The following PRKAG2 variants were observed in gnomAD, a reference collection of about 807,000 sequenced individuals.
The protein encoded by PRKAG2 is protein kinase AMP-activated non-catalytic subunit gamma 2, also known as 5'-AMP-activated protein kinase subunit gamma-2.
A neutral mutation model predicts 69.6 loss-of-function variants in PRKAG2; 26 were observed. The observed-to-expected ratio is 0.37, with a 90% CI of 0.27 to 0.52. The LOEUF is 0.52. Among genes scored for constraint, PRKAG2 ranks in the 20% least tolerant of loss-of-function variants. The pLI, the probability that PRKAG2 is intolerant of heterozygous loss-of-function variation, is 0.90. For synonymous variants in PRKAG2, 293 were observed against 285.0 expected (o/e 1.03, Z -0.28); for missense variants, 557 against 740.0 (o/e 0.75, Z 2.87).
At chr7:151,610,915 C>G (rs7807386) in intron 5 of PRKAG2, among the ~76,000 whole-genome samples, 23,024 of 151,214 alleles carry the variant, frequency 0.15, 1,917 homozygotes, top group East Asian at 0.26. Context: ...CCATGCCTAA[C>G]TAATTTTTGT....
intron 1 of PRKAG2, among the ~76,000 whole-genome samples, chr7:151,871,264 C>T (rs960196294): frequency 6.6e-6 from 1 of 152,230 alleles, no homozygotes; most frequent in East Asian, 1.9e-4. Flanking sequence ...CGCACAGCTA[C>T]GCTTCCAGTG....
chr7:151,749,979 CCCAGCTA>C (rs1207147120), intron 3 of PRKAG2, among the ~76,000 whole-genome samples: 1 of 151,680 alleles, frequency 6.6e-6, no homozygotes, highest in African/African-American at 2.4e-5. Flanking sequence ...TGCTCATAGC[CCCAGCTA>C]CTCGGGAGGC....
intron 3 of PRKAG2, among the ~76,000 whole-genome samples, chr7:151,709,685 GACAC>G (rs1036686539): frequency 2.6e-5 from 4 of 152,290 alleles, no homozygotes; most frequent in South Asian, 2.1e-4. Flanking sequence ...GACATTGTGT[GACAC>G]ACACATAACA....
intron 3 of PRKAG2, among the ~76,000 whole-genome samples, chr7:151,760,990 C>T (rs1362127319): frequency 6.6e-6 from 1 of 152,210 alleles, no homozygotes; most frequent in Non-Finnish European, 1.5e-5. Context: ...TTATCACCTA[C>T]AATAACGAAC....
intron 1 of PRKAG2, among the ~76,000 whole-genome samples, chr7:151,793,052 T>C (rs1032126257): frequency 1.3e-5 from 2 of 152,186 alleles, no homozygotes; most frequent in Non-Finnish European, 2.9e-5. Flanking sequence ...CTAGAGAACC[T>C]GTGAAGATGC....
intron 1 of PRKAG2, among the ~76,000 whole-genome samples, chr7:151,845,736 G>A (rs116162793): frequency 0.011 from 1,669 of 152,284 alleles, 34 homozygotes; most frequent in African/African-American, 0.036. Flanking sequence ...AGTGGGAGCC[G>A]CATTTCCCAA....
At chr7:151,834,374 C>T (rs1431221923) in intron 1 of PRKAG2, among the ~76,000 whole-genome samples, 2 of 152,216 alleles carry the variant, frequency 1.3e-5, no homozygotes, top group Admixed American at 6.5e-5. Context: ...TCCACAAAGT[C>T]GCCAGGCACA....
chr7:151,764,121 G>A (rs910096558), intron 3 of PRKAG2, among the ~76,000 whole-genome samples: 6 of 152,210 alleles, frequency 3.9e-5, no homozygotes, highest in South Asian at 2.1e-4. Context: ...GAATTGGGGG[G>A]TGAGGTTGGC....
chr7:151,714,493 C>A (rs937221517), intron 3 of PRKAG2, among the ~76,000 whole-genome samples: 1 of 141,554 alleles, frequency 7.1e-6, no homozygotes, highest in East Asian at 2.4e-4. Context: ...CCACGCACCA[C>A]GTCCTCCCAT....
chr7:151,721,339 A>G (rs976112914), intron 3 of PRKAG2, among the ~76,000 whole-genome samples: 2 of 152,062 alleles, frequency 1.3e-5, no homozygotes, highest in African/African-American at 2.4e-5. Flanking sequence ...TCTGCCTACA[A>G]CTGGAGCTCT....
intron 1 of PRKAG2, among the ~76,000 whole-genome samples, chr7:151,864,469 A>G (rs1332249165): frequency 6.6e-6 from 1 of 152,176 alleles, no homozygotes; most frequent in East Asian, 1.9e-4. Context: ...CACACCTGGC[A>G]GGTACCCTGC....
chr7:151,662,995 A>C (rs562051096), intron 4 of PRKAG2, among the ~76,000 whole-genome samples: 1 of 152,058 alleles, frequency 6.6e-6, no homozygotes, highest in East Asian at 1.9e-4. Context: ...TGGGAGGCTG[A>C]GGTGGGTGGA....
intron 3 of PRKAG2, among the ~76,000 whole-genome samples, chr7:151,714,408 G>T (rs73728279): frequency 0.21 from 31,082 of 149,890 alleles, 3,868 homozygotes; most frequent in Non-Finnish European, 0.29. Context: ...GTGGAGAGGC[G>T]GCAGGGCTTC....
At chr7:151,732,127 AC>A (rs1229622389) in intron 3 of PRKAG2, among the ~76,000 whole-genome samples, 1 of 130,522 alleles carries the variant, frequency 7.7e-6, no homozygotes, top group Non-Finnish European at 1.6e-5. Flanking sequence ...GAGCCACAGC[AC>A]CTGGCTTTTT....
chr7:151,718,610 T>C (rs1444076502), intron 3 of PRKAG2, among the ~76,000 whole-genome samples: 8 of 102,392 alleles, frequency 7.8e-5, no homozygotes, highest in Non-Finnish European at 1.2e-4. Context: ...GTCCCCAGGA[T>C]GCAAAAAAAA....
intron 1 of PRKAG2, among the ~76,000 whole-genome samples, chr7:151,863,006 C>A (rs1333464263): frequency 1.5e-5 from 2 of 135,562 alleles, no homozygotes; most frequent in Admixed American, 1.5e-4. Context: ...GCAGGGGGTG[C>A]TGGTAGACCC....
chr7:151,745,751 A>T (rs529052356), intron 3 of PRKAG2, among the ~76,000 whole-genome samples: 1 of 152,374 alleles, frequency 6.6e-6, no homozygotes, highest in East Asian at 1.9e-4. Flanking sequence ...TAGCATGCCG[A>T]AATGCAGCAC....
At chr7:151,604,176 C>G (rs1816920715) in intron 5 of PRKAG2, among the ~76,000 whole-genome samples, 1 of 152,202 alleles carries the variant, frequency 6.6e-6, no homozygotes, top group African/African-American at 2.4e-5. Context: ...TGGCTTGGTG[C>G]TCCCTGCGTG....
intron 15 of PRKAG2, chr7:151,558,244 G>C: frequency 3.0e-6 from 3 of 985,442 alleles, no homozygotes; most frequent in Non-Finnish European, 3.6e-6. Context: ...GGGAACGGTG[G>C]CCATTGCCCG....
Sources: gnomAD v4.1 joint callset for allele counts (sites outside exome capture counted in the v4.1 genomes callset) on GRCh38, gnomAD v4.1.1 for gene constraint, MANE v1.5 for transcripts, NCBI Gene and HGNC (gene_info 2026-07-23, HGNC 2026-07-21) for gene names.